RSF1: variants seen among roughly 807,000 people sequenced by gnomAD.
The protein encoded by RSF1 is remodeling and spacing factor 1, also known as HBV pX-associated protein 8.
In RSF1, 13 loss-of-function variants were observed where a neutral mutation model predicts 145.2. The observed-to-expected ratio is 0.09, with a 90% CI of 0.06 to 0.14. The LOEUF (loss-of-function observed/expected upper bound fraction) is 0.14. Among genes scored for constraint, RSF1 ranks in the 10% least tolerant of loss-of-function variants. The probability of loss-of-function intolerance (pLI) is 1.00; values close to 1 mark genes in which losing one functional copy is unlikely to be tolerated. For synonymous variants in RSF1, 577 were observed against 592.6 expected (o/e 0.97, Z 0.38); for missense variants, 1,517 against 1,718.2 (o/e 0.88, Z 2.07).
At chr11:77,721,015 C>T (rs576756998) in intron 5 of RSF1, among the ~76,000 whole-genome samples, 4 of 152,216 alleles carry the variant, frequency 2.6e-5, no homozygotes, top group African/African-American at 9.6e-5. Flanking sequence ...TCCTTAACAC[C>T]TATACAAAAA....
At chr11:77,776,860 T>C (rs921211374) in intron 1 of RSF1, among the ~76,000 whole-genome samples, 4 of 152,166 alleles carry the variant, frequency 2.6e-5, no homozygotes, top group Non-Finnish European at 5.9e-5. Flanking sequence ...TATGTGAACA[T>C]TTGCAAACTG....
intron 1 of RSF1, among the ~76,000 whole-genome samples, chr11:77,776,165 T>C (rs1453748372): frequency 6.6e-6 from 1 of 152,000 alleles, no homozygotes; most frequent in Admixed American, 6.6e-5. Context: ...TAGTGAGTGA[T>C]TGCACCAACT....
the RSF1 span, among the ~76,000 whole-genome samples, chr11:77,868,357 CT>C: frequency 1.4e-3 from 158 of 116,778 alleles, no homozygotes; most frequent in East Asian, 9.8e-3. Flanking sequence ...GCCCAGCCGC[CT>C]TTTTTTTTTT....
chr11:77,823,193 C>A (rs1338697017), upstream of RSF1, among the ~76,000 whole-genome samples: 2 of 114,714 alleles, frequency 1.7e-5, no homozygotes, highest in African/African-American at 7.1e-5. Flanking sequence ...CCAGCCTGGG[C>A]GACAGAGCAA....
At chr11:77,752,437 A>G (rs1194477987) in intron 2 of RSF1, among the ~76,000 whole-genome samples, 3 of 152,208 alleles carry the variant, frequency 2.0e-5, no homozygotes, top group Non-Finnish European at 4.4e-5. Flanking sequence ...TGCGAACGGC[A>G]CACCTATTCT....
intron 5 of RSF1, among the ~76,000 whole-genome samples, chr11:77,710,171 G>A (rs964695608): frequency 6.6e-6 from 1 of 151,796 alleles, no homozygotes. Flanking sequence ...AAAAAAAATT[G>A]TTGACAAGTA....
chr11:77,768,829 C>T (rs1371346017), intron 1 of RSF1, among the ~76,000 whole-genome samples: 1 of 152,104 alleles, frequency 6.6e-6, no homozygotes, highest in Admixed American at 6.5e-5. Context: ...ACTTTTTATT[C>T]TTTAAAACGG....
chr11:77,734,578 T>C, intron 4 of RSF1: 2 of 1,539,420 alleles, frequency 1.3e-6, no homozygotes, highest in Non-Finnish European at 1.8e-6. Flanking sequence ...CACATGGTCA[T>C]CCAATTCTTT....
chr11:77,686,637 T>C (rs1960015542), intron 9 of RSF1, among the ~76,000 whole-genome samples: 1 of 152,016 alleles, frequency 6.6e-6, no homozygotes, highest in Non-Finnish European at 1.5e-5. Flanking sequence ...ACAAGAATAT[T>C]CATGGTCTTT....
Position 77,698,685 on chromosome 11 carries a change from G to A in RSF1, c.2517C>T (p.Pro839=). The A allele has an allele frequency of 1.2e-6, 2 of 1,613,746 alleles. No homozygotes were observed. Among genetic ancestry groups the A allele is most frequent in the Non-Finnish European group, 1.7e-6 (2 of 1,179,870 alleles). The change falls in exon 7 of 16, where the codon CCC becomes CCT. Residue 839 remains proline (P), a synonymous_variant. Coordinates refer to ENST00000308488, the MANE Select transcript of RSF1 (RefSeq NM_016578.4). Reference sequence around the variant, plus strand: ...AACCAGTCCATCGAACTTTGCCTTTGGGTTTTACCTTGTATAAAATAAAAA... The same window carrying A: ...AACCAGTCCATCGAACTTTGCCTTTAGGTTTTACCTTGTATAAAATAAAAA... ...DTNSKVSKVK[P]KGKVRWTGSR...
At chr11:77,844,799 A>T in the RSF1 span, among the ~76,000 whole-genome samples, 709 of 152,276 alleles carry the variant, frequency 4.7e-3, 5 homozygotes, top group African/African-American at 0.017. Context: ...ATAATTTTTC[A>T]CATAGGAGTG....
At chr11:77,671,907 T>C (rs561998027) in intron 15 of RSF1, 135 bp downstream of exon 15, 71 of 760,036 alleles carry the variant, frequency 9.3e-5, no homozygotes, top group Non-Finnish European at 1.3e-4. Context: ...CTGCCGGGAT[T>C]ACAGGCGTGA....
chr11:77,820,227 A>T (rs1463309508), intron 1 of RSF1, among the ~76,000 whole-genome samples: 1 of 152,090 alleles, frequency 6.6e-6, no homozygotes, highest in African/African-American at 2.4e-5. Context: ...GCGGAGAAGC[A>T]GTCCCCGGGG....
rs775609285 is a variant in RSF1 at position 77,675,272 on chromosome 11, C to CAA, written c.3342-17_3342-16insTT. 3.1e-6 allele frequency: 5 copies of CAA among 1,591,876 alleles called. No individual in the cohort carries two copies. The Admixed American group carries it at 8.9e-5, about 28-fold the overall frequency. On this transcript the variant is annotated splice_polypyrimidine_tract_variant and intron_variant, in intron 13 of 15. Transcript: ENST00000308488. Reference sequence around the variant, plus strand: ...ATCTTGAGATCTGTCCAAGAGAAATCAGATAAAATACAATGGTATTTAGAA... The same window carrying CAA: ...ATCTTGAGATCTGTCCAAGAGAAATCAAAGATAAAATACAATGGTATTTAGAA...
In RSF1 at chr11:77,692,233, AT is replaced by A. The variant is rs71046904; in HGVS notation, c.2821-996del. Among the ~76,000 whole-genome samples, 276 of 49,452 alleles carry A rather than the reference AT, an allele frequency of 5.6e-3. 1 individual carries two copies. Among genetic ancestry groups the A allele is most frequent in the African/African-American group, 0.017 (134 of 7,838 alleles). 32.4% of individuals were successfully genotyped at this position (49,452 alleles called of 152,430 possible). ...AAAAAATAATTATTACTACTTTTAA[AT>A]TTTTTTTTTTTTTTTTTTTTTTTTT... On this transcript the variant is annotated intron_variant, in intron 8 of 15. Coordinates refer to ENST00000308488, the MANE Select transcript of RSF1 (RefSeq NM_016578.4).
intron 4 of RSF1, chr11:77,734,950 T>C (rs184185508): frequency 3.1e-6 from 5 of 1,596,246 alleles, no homozygotes; most frequent in African/African-American, 1.3e-5. Flanking sequence ...GAGCTCTAGG[T>C]TGATCTGGCG....
chr11:77,690,639 C>T (rs1215372399), intron 9 of RSF1, among the ~76,000 whole-genome samples: 1 of 152,068 alleles, frequency 6.6e-6, no homozygotes, highest in Non-Finnish European at 1.5e-5. Flanking sequence ...ACCATGTTGG[C>T]CAGGCTGACC....
chr11:77,678,007 T>C lies in RSF1; in HGVS notation c.3133+79A>G, dbSNP rs570535700. The C allele has an allele frequency of 1.0e-4, 94 of 900,870 alleles. No homozygotes were observed. The East Asian group carries it at 2.2e-3, about 21-fold the overall frequency. The allele number at this position is 900,870 out of a possible 1,614,324, so 55.8% of individuals were successfully genotyped here. On this transcript the variant is annotated intron_variant, in intron 12 of 15. Coordinates refer to ENST00000308488, the MANE Select transcript of RSF1 (RefSeq NM_016578.4). ...TAACGGGAAAGAGAATAAAAACATA[T>C]GCTCACTGCCCTAATTTGGGCACCT...
intron 1 of RSF1, among the ~76,000 whole-genome samples, chr11:77,817,360 TACTG>T (rs1948791518): frequency 6.6e-6 from 1 of 152,216 alleles, no homozygotes; most frequent in African/African-American, 2.4e-5. Flanking sequence ...TCCTGCTGCA[TACTG>T]ACTTTTTTGT....
Sources: gnomAD v4.1 joint callset for allele counts (sites outside exome capture counted in the v4.1 genomes callset) on GRCh38, gnomAD v4.1.1 for gene constraint, MANE v1.5 for transcripts, NCBI Gene and HGNC (gene_info 2026-07-23, HGNC 2026-07-21) for gene names.